Variants in QSER1 observed in about 807,000 individuals in gnomAD.
The protein encoded by QSER1 is glutamine and serine rich 1, also known as glutamine and serine-rich protein 1.
A neutral mutation model predicts 158.5 loss-of-function variants in QSER1; 49 were observed. The ratio of observed to expected loss-of-function variants is 0.31; its 90% CI spans 0.25 to 0.39. The LOEUF (loss-of-function observed/expected upper bound fraction) is 0.39, where lower values mean the gene tolerates loss of function less well. Among genes scored for constraint, QSER1 ranks in the 10% least tolerant of loss-of-function variants. The pLI, the probability that QSER1 is intolerant of heterozygous loss-of-function variation, is 1.00. For synonymous variants in QSER1, 650 were observed against 715.5 expected (o/e 0.91, Z 1.46); for missense variants, 1,754 against 2,010.3 (o/e 0.87, Z 2.44).
chr11:32,955,845 A>C (rs2133584341), intron 6 of QSER1, 143 bp from the exon 7 acceptor site: 1 of 650,022 alleles, frequency 1.5e-6, no homozygotes, highest in East Asian at 2.7e-5. Flanking sequence ...GCCTGGGATC[A>C]GTTTTTGAGG....
intron 1 of QSER1, among the ~76,000 whole-genome samples, chr11:32,905,978 T>C (rs2133498803): frequency 6.6e-6 from 1 of 152,314 alleles, no homozygotes; most frequent in African/African-American, 2.4e-5. Flanking sequence ...TTTCAAAATA[T>C]ATACTCCTCT....
intron 1 of QSER1, among the ~76,000 whole-genome samples, chr11:32,923,340 C>T (rs1851921493): frequency 6.6e-6 from 1 of 152,158 alleles, no homozygotes; most frequent in Non-Finnish European, 1.5e-5. Context: ...GAAGTGTTCT[C>T]TCCCTTGGTT....
chr11:32,934,732 T>C lies in QSER1; in HGVS notation c.3474T>C (p.Gly1158=). The C allele has an allele frequency of 3.1e-6, 5 of 1,613,722 alleles. No individual in the cohort carries two copies. The highest frequency in any genetic ancestry group is 4.2e-6 in the Non-Finnish European group (5 of 1,179,894). Residue 1158 remains glycine, a synonymous_variant, in exon 4 of 13, where the codon GGT becomes GGC. Transcript: ENST00000650167. ...ATSESEFTLG[G]DDSGVSMNPA... is the part of the protein sequence containing the mutation. ...CAGAGAGTGAATTTACCTTAGGGGG[T>C]GACGACAGTGGTGTGTCAATGAACC...
intron 10 of QSER1, among the ~76,000 whole-genome samples, chr11:32,971,272 A>G (rs989616142): frequency 6.6e-6 from 1 of 152,176 alleles, no homozygotes; most frequent in South Asian, 2.1e-4. Flanking sequence ...ACTGATCTGA[A>G]GTAAAATATT....
At chr11:32,975,039 T>A (rs188565462) in intron 11 of QSER1, among the ~76,000 whole-genome samples, 70 of 152,268 alleles carry the variant, frequency 4.6e-4, no homozygotes, top group Admixed American at 4.6e-3. Context: ...CAATAATGCA[T>A]ATTTATATGC....
rs918333395 is a variant in QSER1 at position 32,927,651 on chromosome 11, T to C, written c.323-311T>C. Among the ~76,000 whole-genome samples the C allele has an allele frequency of 2.0e-3, 298 of 152,226 alleles. 5 individuals carry two copies. The highest frequency in any genetic ancestry group is 9.9e-4 in the Non-Finnish European group (67 of 68,010). Reference sequence around the variant, plus strand: ...CTCAAACTCCTGACCTTGTGATCCTTCCACCTCGGCCTCCAGAAGTGCTGG... The same window carrying C: ...CTCAAACTCCTGACCTTGTGATCCTCCCACCTCGGCCTCCAGAAGTGCTGG... On this transcript the variant is annotated intron_variant, in intron 2 of 12. Coordinates refer to ENST00000650167, the MANE Select transcript of QSER1 (RefSeq NM_001076786.3).
At chr11:32,924,620 G>A (rs1213795678) in intron 1 of QSER1, among the ~76,000 whole-genome samples, 1 of 148,294 alleles carries the variant, frequency 6.7e-6, no homozygotes, top group Non-Finnish European at 1.5e-5. Context: ...AGAATGAAAA[G>A]GCAAGCCAAT....
At chr11:32,974,659 T>G (rs188832813) in intron 11 of QSER1, among the ~76,000 whole-genome samples, 1 of 152,322 alleles carries the variant, frequency 6.6e-6, no homozygotes, top group Admixed American at 6.5e-5. Flanking sequence ...CCAAGTACAG[T>G]TCTAAGTACT....
intron 1 of QSER1, among the ~76,000 whole-genome samples, chr11:32,916,868 C>A (rs559002227): frequency 6.6e-6 from 1 of 151,790 alleles, no homozygotes; most frequent in African/African-American, 2.4e-5. Context: ...CTCACTGCAA[C>A]CTCCACCTCC....
chr11:32,934,665 T>G lies in QSER1; in HGVS notation c.3407T>G (p.Phe1136Cys). The change falls in exon 4 of 13, where the codon TTT becomes TGT. Residue 1136 changes from phenylalanine (F) to cysteine (C), a missense_variant. Coordinates refer to ENST00000650167, the MANE Select transcript of QSER1 (RefSeq NM_001076786.3). The part of the protein sequence containing the change: ...STLNNNRNQE[F>C]VSSSRSISGE... ...TTAAATAATAACAGAAACCAAGAGT[T>G]TGTTTCTAGTAGTAGAAGTATAAGT... The G allele has an allele frequency of 6.2e-7, 1 of 1,613,838 alleles. No individual in the cohort carries two copies.
chr11:32,965,092 A>G (rs1010532387), intron 8 of QSER1, among the ~76,000 whole-genome samples: 3 of 151,960 alleles, frequency 2.0e-5, no homozygotes, highest in Non-Finnish European at 4.4e-5. Context: ...CTGTGTTTAC[A>G]TTAAAATGAT....
chr11:32,975,388 TAAG>T, intron 12 of QSER1, 45 bp downstream of exon 12: 1 of 1,601,004 alleles, frequency 6.2e-7, no homozygotes. Context: ...TTCAGAATGT[TAAG>T]GAGACTCTAG....
At chr11:32,928,458 G>T (rs530063887) in intron 3 of QSER1, among the ~76,000 whole-genome samples, 121 of 152,184 alleles carry the variant, frequency 8.0e-4, no homozygotes, top group Non-Finnish European at 1.5e-3. Flanking sequence ...TTCAGAATGG[G>T]TAGGTGTTAT....
intron 1 of QSER1, among the ~76,000 whole-genome samples, chr11:32,901,907 A>T (rs1240911894): frequency 4.6e-5 from 7 of 152,140 alleles, no homozygotes; most frequent in Non-Finnish European, 8.8e-5. Flanking sequence ...AACATGGTGA[A>T]ACCCCGTCTC....
chr11:32,975,350 T>C lies in QSER1; in HGVS notation c.5454+7T>C, dbSNP rs760052488. On this transcript the variant is annotated splice_region_variant and intron_variant, in intron 12 of 12. Coordinates refer to ENST00000650167, the MANE Select transcript of QSER1 (RefSeq NM_001076786.3). ...TCTGATATGTAAGGATGAGGTAATT[T>C]CTTCTCATTTACTTAAAAAAAATGT... 8.7e-6 allele frequency: 14 copies of C among 1,602,740 alleles called. No homozygotes were observed. The highest frequency in any genetic ancestry group is 1.1e-5 in the Non-Finnish European group (13 of 1,171,072).
Position 32,933,863 on chromosome 11 carries a change from A to C in QSER1, c.2605A>C (p.Ile869Leu), listed in dbSNP as rs777507309. 21 of 1,613,558 alleles carry C rather than the reference A, an allele frequency of 1.3e-5. No homozygotes were observed. The South Asian group carries it at 1.9e-4, about 14-fold the overall frequency. ...TGATTTACAAATTCTTCAGCAGTCAATACTGCAGGCAGGTTTAGGTCAAGT... is the reference window on the plus strand; with the variant it reads ...TGATTTACAAATTCTTCAGCAGTCACTACTGCAGGCAGGTTTAGGTCAAGT... ...ACDLQILQQSILQAGLGQVKA... is the reference protein window; with the variant it reads ...ACDLQILQQSLLQAGLGQVKA... The change falls in exon 4 of 13, where the codon ATA becomes CTA. Residue 869 changes from isoleucine to leucine, a missense_variant. Ile to Leu is a conservative substitution (Grantham distance 5). Coordinates refer to ENST00000650167, the MANE Select transcript of QSER1 (RefSeq NM_001076786.3).
intron 4 of QSER1, among the ~76,000 whole-genome samples, chr11:32,951,539 G>T (rs1852422359): frequency 6.6e-6 from 1 of 152,148 alleles, no homozygotes. Flanking sequence ...TCTTAACAGT[G>T]TTGCGTCTTC....
At chr11:32,920,554 C>G (rs993214098) in intron 1 of QSER1, among the ~76,000 whole-genome samples, 2 of 152,112 alleles carry the variant, frequency 1.3e-5, no homozygotes, top group Non-Finnish European at 2.9e-5. Flanking sequence ...TTGTGCTGTA[C>G]ATGATACCAT....
chr11:32,903,965 A>T (rs1407003747), intron 1 of QSER1, among the ~76,000 whole-genome samples: 1 of 151,982 alleles, frequency 6.6e-6, no homozygotes, highest in Non-Finnish European at 1.5e-5. Flanking sequence ...TTTGTAAAAA[A>T]CTTATCTGTT....
Sources: allele counts gnomAD v4.1 joint callset (sites outside exome capture counted in the v4.1 genomes callset), GRCh38; gene constraint gnomAD v4.1.1; transcripts MANE v1.5; gene names NCBI Gene and HGNC (gene_info 2026-07-23, HGNC 2026-07-21).